Variants in CEP290 observed in about 807,000 individuals in gnomAD.
The protein encoded by CEP290 is centrosomal protein of 290 kDa.
CEP290 carries 317 observed loss-of-function variants against 344.9 expected under a neutral mutation model. The ratio of observed to expected loss-of-function variants is 0.92; its 90% CI spans 0.84 to 1.01. The LOEUF (loss-of-function observed/expected upper bound fraction) is 1.01, where lower values mean the gene tolerates loss of function less well. CEP290 is among the 50% of genes least tolerant of loss of function. The pLI, the probability that CEP290 is intolerant of heterozygous loss-of-function variation, is 0.00. For missense variants in CEP290, 2,754 were observed against 2,761.4 expected (o/e 1.00, Z 0.06); for synonymous variants, 932 against 895.8 (o/e 1.04, Z -0.72).
At chr12:88,071,718 A>G (rs2035389111) in intron 42 of CEP290, 63 bp downstream of exon 42, 3 of 1,272,086 alleles carry the variant, frequency 2.4e-6, no homozygotes, top group Admixed American at 2.9e-5. Context: ...ATAAAGCTAT[A>G]TAATTTCCAG....
intron 13 of CEP290, among the ~76,000 whole-genome samples, chr12:88,123,213 C>A (rs1400629191): frequency 1.3e-5 from 2 of 152,058 alleles, no homozygotes; most frequent in Non-Finnish European, 2.9e-5. Flanking sequence ...AATGTTTCTT[C>A]TTTAATGGAG....
chr12:88,093,082 T>C (rs1773304299), intron 28 of CEP290, among the ~76,000 whole-genome samples: 1 of 152,126 alleles, frequency 6.6e-6, no homozygotes, highest in Non-Finnish European at 1.5e-5. Flanking sequence ...TATCTAATAA[T>C]ATCTGAACTT....
At chr12:88,129,098 CAT>C in intron 10 of CEP290, 63 bp from the exon 11 acceptor site, 1 of 787,950 alleles carries the variant, frequency 1.3e-6, no homozygotes, top group Non-Finnish European at 1.9e-6. Context: ...TACACCTGTG[CAT>C]ATTTACATAT....
chr12:88,062,812 A>G (rs1452301215), intron 45 of CEP290, 34 bp from the exon 46 acceptor site: 1 of 1,322,120 alleles, frequency 7.6e-7, no homozygotes, highest in African/African-American at 1.5e-5. Context: ...TAATAATTTA[A>G]CATAGCTACA....
Position 88,120,143 on chromosome 12 carries a change from T to C in CEP290, c.1493A>G (p.Asp498Gly). Residue 498 changes from aspartate to glycine, a missense_variant, in exon 15 of 54, where the codon GAT (aspartate) becomes GGT (glycine). Physicochemically the swap from Asp to Gly is moderately conservative, Grantham distance 94. Transcript: ENST00000552810. ...KLELKISDFL[D>G]ENEALRERVG... ...ACGCTCTCTAAGTGCCTCATTTTCATCAAGGAAATCACTGATCTTCAATTC... is the reference window on the plus strand; with the variant it reads ...ACGCTCTCTAAGTGCCTCATTTTCACCAAGGAAATCACTGATCTTCAATTC... 6.5e-7 allele frequency: 1 copy of C among 1,547,552 alleles called. No homozygotes were observed. The highest frequency in any genetic ancestry group is 8.7e-7 in the Non-Finnish European group (1 of 1,145,154).
chr12:88,092,935 G>T, intron 28 of CEP290, 103 bp from the exon 29 acceptor site: 1 of 1,029,636 alleles, frequency 9.7e-7, no homozygotes, highest in Non-Finnish European at 1.5e-6. Flanking sequence ...CTTGGCCTTA[G>T]TTCACATATT....
chr12:88,104,470 G>C (rs903946154), intron 25 of CEP290, among the ~76,000 whole-genome samples: 2 of 152,056 alleles, frequency 1.3e-5, no homozygotes, highest in Non-Finnish European at 2.9e-5. Flanking sequence ...GTTACCTACA[G>C]AGGGTGGAGC....
chr12:88,118,136 C>T (rs1351085848), intron 17 of CEP290, among the ~76,000 whole-genome samples: 1 of 151,774 alleles, frequency 6.6e-6, no homozygotes, highest in Non-Finnish European at 1.5e-5. Flanking sequence ...CATATATTAA[C>T]ATAAAAACTA....
At chr12:88,082,757 A>G (rs61941021) in intron 37 of CEP290, among the ~76,000 whole-genome samples, 1 of 152,290 alleles carries the variant, frequency 6.6e-6, no homozygotes, top group East Asian at 1.9e-4. Context: ...GAGATTCTGG[A>G]AAAGAATTTG....
In CEP290 at chr12:88,084,041, C is replaced by T. The variant is rs1476413522; in HGVS notation, c.4705-87G>A. 3 of 827,406 alleles carry T rather than the reference C, an allele frequency of 3.6e-6. No homozygotes were observed. The East Asian group carries it at 8.1e-5, about 22-fold the overall frequency. The allele number at this position is 827,406 out of a possible 1,614,324, so 51.3% of individuals were successfully genotyped here. On this transcript the variant is annotated intron_variant, in intron 35 of 53. Transcript: ENST00000552810. ...AGACCTTATATATTTTCTCTTCAAT[C>T]TTCTAAAATTCCTTTGAGATGAGGA... is the stretch of plus-strand genomic sequence containing the variant.
intron 22 of CEP290, among the ~76,000 whole-genome samples, chr12:88,109,459 C>T (rs1017910368): frequency 6.6e-6 from 1 of 152,150 alleles, no homozygotes; most frequent in Non-Finnish European, 1.5e-5. Flanking sequence ...TCTAGTCACT[C>T]GGCCACATAC....
chr12:88,098,304 C>CAAA (rs35589245), intron 26 of CEP290, among the ~76,000 whole-genome samples: 1 of 98,802 alleles, frequency 1.0e-5, no homozygotes. Flanking sequence ...AACTCCATCT[C>CAAA]AAAAAAAAAA....
chr12:88,130,346 T>C lies in CEP290; in HGVS notation c.591A>G (p.Arg197=). 6 of 1,610,806 alleles carry C rather than the reference T, an allele frequency of 3.7e-6. No homozygotes were observed. Among genetic ancestry groups the C allele is most frequent in the Non-Finnish European group, 5.1e-6 (6 of 1,178,726 alleles). The change falls in exon 9 of 54, where the codon AGA becomes AGG. Residue 197 remains arginine (R), a synonymous_variant. Transcript: ENST00000552810. ...ATCGGTAGTCACTGTCTTCCCCTCT[T>C]CTTGATAAAAGTGTTTCTTTCTGTG... is the stretch of plus-strand genomic sequence containing the variant. The part of the protein sequence containing the change: ...IDSQKETLLS[R]RGEDSDYRSQ...
In CEP290 at chr12:88,057,601, T is replaced by G. The variant is rs530990881; in HGVS notation, c.6818+1247A>C. Reference sequence around the variant, plus strand: ...TTTCTGACAGAATAATTTTTCCCAGTGTGTAGATGGGAAAAGTGAGAGCTA... The same window carrying G: ...TTTCTGACAGAATAATTTTTCCCAGGGTGTAGATGGGAAAAGTGAGAGCTA... On this transcript the variant is annotated intron_variant, in intron 49 of 53. Coordinates refer to ENST00000552810, the MANE Select transcript of CEP290 (RefSeq NM_025114.4). 1.4e-3 allele frequency among the ~76,000 whole-genome samples: 206 copies of G among 152,032 alleles called. 5 individuals are homozygous for G. In the South Asian group the frequency reaches 0.042, roughly 31 times the overall value.
chr12:88,063,698 A>G (rs948353594), intron 45 of CEP290, among the ~76,000 whole-genome samples: 2 of 152,054 alleles, frequency 1.3e-5, no homozygotes, highest in Non-Finnish European at 2.9e-5. Context: ...CAGATGACAT[A>G]CTATTTAGTG....
Position 88,086,096 on chromosome 12 carries a change from A to T in CEP290, c.4380T>A (p.Ile1460=), listed in dbSNP as rs1014763442. ...CTAGAATTATTCGAATGTTCTCCTT[A>T]ATTTTCCTTAGAGCGATCTCAAGTT... ...PNQLEIALRK[I]KENIRIILET... is the part of the protein sequence containing the mutation. Residue 1460 remains isoleucine (I), a synonymous_variant, in exon 34 of 54, where the codon ATT becomes ATA. Coordinates refer to ENST00000552810, the MANE Select transcript of CEP290 (RefSeq NM_025114.4). 2 of 1,613,108 alleles carry T rather than the reference A, an allele frequency of 1.2e-6. No homozygotes were observed. The highest frequency in any genetic ancestry group is 1.7e-6 in the Non-Finnish European group (2 of 1,179,546).
chr12:88,054,291 T>C, intron 51 of CEP290, 49 bp downstream of exon 51: 1 of 1,255,562 alleles, frequency 8.0e-7, no homozygotes, highest in Non-Finnish European at 1.1e-6. Context: ...AACTAATAAT[T>C]TTTTTTTTAA....
chr12:88,077,800 T>C lies in CEP290; in HGVS notation c.5483A>G (p.Lys1828Arg), dbSNP rs2035892171. The change falls in exon 40 of 54, where the codon AAG becomes AGG. Residue 1828 changes from lysine (K) to arginine (R), a missense_variant. Transcript: ENST00000552810. ...NLNDLNNELQKKQKAYNKILR... is the reference protein window; with the variant it reads ...NLNDLNNELQRKQKAYNKILR... ...TATTTTATTATAGGCTTTTTGTTTC[T>C]TTTGCAGTTCATTATTTAAGTCATT... 1 of 1,561,012 alleles carries C rather than the reference T, an allele frequency of 6.4e-7. No individual in the cohort carries two copies. The highest frequency in any genetic ancestry group is 8.7e-7 in the Non-Finnish European group (1 of 1,143,210).
Position 88,112,718 on chromosome 12 carries a change from G to T in CEP290, c.2053-860C>A, listed in dbSNP as rs2038779223. 2.6e-5 allele frequency among the ~76,000 whole-genome samples: 4 copies of T among 152,086 alleles called. No individual in the cohort carries two copies. In the South Asian group the frequency reaches 6.2e-4, roughly 24 times the overall value. On this transcript the variant is annotated intron_variant, in intron 20 of 53. Transcript: ENST00000552810. ...CTCCTACTCAGGAAGGTGATCTGGG[G>T]TTTAACTCTAGGTAGTAGATTTGTA...
Sources: gnomAD v4.1 joint callset for allele counts (sites outside exome capture counted in the v4.1 genomes callset) on GRCh38, gnomAD v4.1.1 for gene constraint, MANE v1.5 for transcripts, NCBI Gene and HGNC (gene_info 2026-07-23, HGNC 2026-07-21) for gene names.